The following TTC6 variants were observed in gnomAD, a reference collection of about 807,000 sequenced individuals.
TTC6 encodes the protein tetratricopeptide repeat protein 6.
A neutral mutation model predicts 210.4 loss-of-function variants in TTC6; 172 were observed. That is an observed-to-expected ratio of 0.82 (90% CI 0.72 to 0.93). TTC6 has a LOEUF of 0.93. Ranked by LOEUF, TTC6 falls within the 40% of genes least tolerant of loss-of-function variation. TTC6 has a pLI of 0.00. For synonymous variants in TTC6, 804 were observed against 819.6 expected, an observed-to-expected ratio of 0.98 and a Z score of 0.32; for missense variants, 2,414 against 2,318.1, an observed-to-expected ratio of 1.04 and a Z score of -0.85.
chr14:37,742,617 C>T (rs2095924065), intron 10 of TTC6, among the ~76,000 whole-genome samples: 1 of 151,348 alleles, frequency 6.6e-6, no homozygotes, highest in Admixed American at 6.6e-5. Flanking sequence ...AGGGTTTCGC[C>T]ATGTTGCCCA....
chr14:37,690,604 T>G (rs2138611670), intron 3 of TTC6, among the ~76,000 whole-genome samples: 1 of 152,106 alleles, frequency 6.6e-6, no homozygotes, highest in Non-Finnish European at 1.5e-5. Flanking sequence ...AAAATAGATT[T>G]CAGGAAAAAA....
intron 3 of TTC6, among the ~76,000 whole-genome samples, chr14:37,689,989 A>T (rs2138607583): frequency 6.6e-6 from 1 of 152,322 alleles, no homozygotes; most frequent in South Asian, 2.1e-4. Flanking sequence ...AACAAAAAAT[A>T]ATAACTATAA....
exon 21 of TTC6, chr14:37,804,692 G>A: frequency 6.2e-7 from 1 of 1,613,238 alleles, no homozygotes; most frequent in East Asian, 2.2e-5. Flanking sequence ...AGCTGTGGAA[G>A]TGCTTAAGAA....
At chr14:37,726,390 G>A in intron 7 of TTC6, among the ~76,000 whole-genome samples, 1 of 152,066 alleles carries the variant, frequency 6.6e-6, no homozygotes, top group East Asian at 1.9e-4. Context: ...ATGGAGTCTT[G>A]TTCATATTTA....
Position 37,792,336 on chromosome 14 carries a change from T to C in TTC6, c.3630T>C (p.Ile1210=), listed in dbSNP as rs750503115. 6.3e-4 allele frequency: 970 copies of C among 1,533,164 alleles called. 1 individual carries two copies. The highest frequency in any genetic ancestry group is 8.0e-4 in the Non-Finnish European group (916 of 1,145,688). The allele number at this position is 1,533,164 out of a possible 1,614,324, so 95.0% of individuals were successfully genotyped here. ...ACCTGGATAACTACACGGAAGCTAT[T>C]TGGCAATTTTCTGAGGCTATTAGAA... Residue 1210 remains isoleucine, a synonymous_variant, in exon 17 of 31, where the codon ATT becomes ATC. Coordinates refer to ENST00000553443, the Ensembl canonical transcript of TTC6.
intron 1 of TTC6, among the ~76,000 whole-genome samples, chr14:37,654,300 G>A (rs754504422): frequency 6.6e-5 from 10 of 152,048 alleles, no homozygotes; most frequent in African/African-American, 2.4e-4. Flanking sequence ...TGCTTGAGGG[G>A]ATGGATACCC....
chr14:37,720,795 A>G (rs576869727), intron 6 of TTC6, among the ~76,000 whole-genome samples: 1 of 152,308 alleles, frequency 6.6e-6, no homozygotes, highest in East Asian at 1.9e-4. Flanking sequence ...AATTATACAA[A>G]TAAAGAATAG....
intron 5 of TTC6, among the ~76,000 whole-genome samples, chr14:37,703,314 T>C (rs2095829124): frequency 6.6e-6 from 1 of 152,116 alleles, no homozygotes; most frequent in Non-Finnish European, 1.5e-5. Context: ...TCAATAAATG[T>C]TCTATTTGAT....
chr14:37,707,889 G>C (rs1255677035), intron 5 of TTC6, among the ~76,000 whole-genome samples: 1 of 151,996 alleles, frequency 6.6e-6, no homozygotes, highest in African/African-American at 2.4e-5. Flanking sequence ...TCTTAAGTAG[G>C]AGAACCAGAG....
At chr14:37,772,373 C>G (rs980566221) in intron 14 of TTC6, 1 of 165,088 alleles carries the variant, frequency 6.1e-6, no homozygotes, top group Non-Finnish European at 1.3e-5. Context: ...CTAAGTAAGC[C>G]TGGGCAATGG....
upstream of TTC6, among the ~76,000 whole-genome samples, chr14:37,617,811 A>C (rs530025038): frequency 4.6e-5 from 7 of 152,332 alleles, no homozygotes; most frequent in South Asian, 1.4e-3. Flanking sequence ...AGTACTGTGC[A>C]TTGGAAATTG....
chr14:37,692,320 A>C (rs2138624635), intron 3 of TTC6, among the ~76,000 whole-genome samples: 1 of 151,820 alleles, frequency 6.6e-6, no homozygotes, highest in Middle Eastern at 3.4e-3. Flanking sequence ...AACTGAATTC[A>C]ACAATGCATT....
intron 1 of TTC6, among the ~76,000 whole-genome samples, chr14:37,605,848 G>C (rs1207330507): frequency 6.6e-6 from 1 of 151,796 alleles, no homozygotes; most frequent in East Asian, 1.9e-4. Context: ...AGGCTCATTA[G>C]TGTTATTTGT....
At chr14:37,814,192 C>G (rs1442577720) in intron 25 of TTC6, among the ~76,000 whole-genome samples, 2 of 152,292 alleles carry the variant, frequency 1.3e-5, no homozygotes, top group African/African-American at 4.8e-5. Context: ...CACCTCTGAT[C>G]TCATTGTCAA....
At chr14:37,832,796 A>T (rs1158455118) in intron 29 of TTC6, among the ~76,000 whole-genome samples, 1 of 152,106 alleles carries the variant, frequency 6.6e-6, no homozygotes, top group African/African-American at 2.4e-5. Flanking sequence ...GCGGTGGCTT[A>T]TGCCTATAAT....
chr14:37,832,947 A>T (rs1301796546), intron 29 of TTC6, among the ~76,000 whole-genome samples: 1 of 151,610 alleles, frequency 6.6e-6, no homozygotes, highest in Non-Finnish European at 1.5e-5. Flanking sequence ...AGTCCCAGCT[A>T]CTCAGGAGGC....
chr14:37,622,690 C>T (rs1355552812), exon 1 of TTC6: 5 of 1,535,118 alleles, frequency 3.3e-6, no homozygotes, highest in Middle Eastern at 1.8e-4. Context: ...AGCTCCGTCT[C>T]CGCAGAGGAC....
At chr14:37,787,602 A>G in exon 15 of TTC6, 1 of 1,521,486 alleles carries the variant, frequency 6.6e-7, no homozygotes, top group Middle Eastern at 1.7e-4. Context: ...AGAAAGAGTA[A>G]CCCTTTTAGA....
intron 1 of TTC6, among the ~76,000 whole-genome samples, chr14:37,639,885 TAAAA>T (rs571405717): frequency 7.8e-6 from 1 of 128,846 alleles, no homozygotes; most frequent in Non-Finnish European, 1.6e-5. Context: ...GACCCTGTCT[TAAAA>T]AAAAAAAAAA....
Sources: gnomAD v4.1 joint callset for allele counts (sites outside exome capture counted in the v4.1 genomes callset) on GRCh38, gnomAD v4.1.1 for gene constraint, MANE v1.5 for transcripts, NCBI Gene and HGNC (gene_info 2026-07-23, HGNC 2026-07-21) for gene names.